Variants in CPAMD8 observed in about 807,000 individuals in gnomAD.
CPAMD8 encodes C3 and PZP-like alpha-2-macroglobulin domain-containing protein 8.
CPAMD8 carries 146 observed loss-of-function variants against 224.7 expected under a neutral mutation model. The observed-to-expected ratio is 0.65, with a 90% confidence interval of 0.57 to 0.75. CPAMD8 has a LOEUF of 0.75. Among genes scored for constraint, CPAMD8 ranks in the 30% least tolerant of loss-of-function variants. The pLI is 0.00. For missense variants in CPAMD8, 2,301 were observed against 2,537.5 expected (o/e 0.91, Z 2.00); for synonymous variants, 966 against 1,044.6 (o/e 0.92, Z 1.45).
At position 17,022,171 on chromosome 19, in the gene CPAMD8, T is replaced by C; in HGVS notation, c.103A>G (p.Ile35Val). 2 of 1,610,060 alleles carry C rather than the reference T, an allele frequency of 1.2e-6. No individual in the cohort carries two copies. Among genetic ancestry groups the C allele is most frequent in the Non-Finnish European group, 1.7e-6 (2 of 1,178,000 alleles). Residue 35 changes from isoleucine to valine, a missense_variant, in exon 2 of 42, where the codon ATT becomes GTT. This residue lies in a region of CPAMD8 where 283 missense variants were observed against 340.6 expected (regional missense o/e 0.83). Coordinates refer to ENST00000443236, the MANE Select transcript of CPAMD8 (RefSeq NM_015692.5). Reference protein sequence around the residue: ...AAQPQAPGYLIAAPSVFRAGV... With the variant: ...AAQPQAPGYLVAAPSVFRAGV... ...GCGCGAAAAACAGAGGGAGCTGCAA[T>C]CAAGTAACCCCTGCAGGAAAGGAGA...
intron 27 of CPAMD8, among the ~76,000 whole-genome samples, chr19:16,915,554 C>T (rs2052918758): frequency 2.0e-5 from 3 of 152,212 alleles, no homozygotes; most frequent in Non-Finnish European, 4.4e-5. Context: ...TGGCCTGTCC[C>T]TCATCCACCC....
At chr19:17,006,030 T>A (rs1256396262) in intron 7 of CPAMD8, among the ~76,000 whole-genome samples, 1 of 152,036 alleles carries the variant, frequency 6.6e-6, no homozygotes, top group Non-Finnish European at 1.5e-5. Flanking sequence ...AGTGGCATGA[T>A]CTCAGCTCAT....
At chr19:17,009,169 G>A (rs1414971171) in intron 6 of CPAMD8, 134 bp downstream of exon 6, 6 of 1,465,660 alleles carry the variant, frequency 4.1e-6, no homozygotes, top group Non-Finnish European at 5.7e-6. Flanking sequence ...GGATAGAAGA[G>A]GCCAGGTCCC....
intron 15 of CPAMD8, among the ~76,000 whole-genome samples, chr19:16,976,979 T>G (rs7248147): frequency 6.7e-6 from 1 of 150,024 alleles, no homozygotes; most frequent in Non-Finnish European, 1.5e-5. Flanking sequence ...GAGGCAGAGG[T>G]TGCAGTGAGC....
chr19:16,945,475 T>A (rs1287297833), intron 22 of CPAMD8, 74 bp downstream of exon 22: 5 of 1,562,614 alleles, frequency 3.2e-6, no homozygotes, highest in Non-Finnish European at 4.4e-6. Context: ...GACCACACAC[T>A]CCAGCTGGGC....
intron 22 of CPAMD8, among the ~76,000 whole-genome samples, chr19:16,944,801 G>GA: frequency 6.6e-6 from 1 of 152,312 alleles, no homozygotes; most frequent in South Asian, 2.1e-4. Context: ...CTTGTGTTCA[G>GA]GGCCAGCAGG....
At chr19:16,977,607 A>G (rs2055329190) in intron 14 of CPAMD8, 67 bp from the exon 15 acceptor site, 8 of 1,290,020 alleles carry the variant, frequency 6.2e-6, no homozygotes, top group Non-Finnish European at 8.5e-6. Context: ...TCAGCCATTC[A>G]GGCTCTGCCC....
chr19:16,918,858 A>G (rs111388894), intron 27 of CPAMD8, among the ~76,000 whole-genome samples: 1,582 of 151,892 alleles, frequency 0.01, 27 homozygotes, highest in African/African-American at 0.036. Flanking sequence ...AAATGCAAAA[A>G]ATCTGAAATG....
intron 24 of CPAMD8, among the ~76,000 whole-genome samples, 181 bp downstream of exon 24, chr19:16,928,761 T>C (rs1157891406): frequency 6.6e-6 from 1 of 150,450 alleles, no homozygotes; most frequent in Non-Finnish European, 1.5e-5. Flanking sequence ...CCACAGCTCT[T>C]GCTACATGTT....
intron 22 of CPAMD8, among the ~76,000 whole-genome samples, chr19:16,941,389 A>G (rs1299346906): frequency 2.0e-5 from 3 of 151,944 alleles, no homozygotes; most frequent in African/African-American, 7.3e-5. Flanking sequence ...CCGTGGATGA[A>G]CCCTGAACAC....
intron 11 of CPAMD8, among the ~76,000 whole-genome samples, chr19:16,994,667 A>G (rs1393661289): frequency 7.5e-6 from 1 of 134,154 alleles, no homozygotes; most frequent in African/African-American, 2.9e-5. Flanking sequence ...ACAGGTGTAC[A>G]ATACCATGCC....
At position 16,898,144 on chromosome 19, in the gene CPAMD8, CT is replaced by C. The variant is rs35096930; in HGVS notation, c.4849-151del. 0.057 allele frequency: 29,421 copies of C among 512,954 alleles called. 1 individual carries two copies. The highest frequency in any genetic ancestry group is 0.1 in the East Asian group (2,999 of 28,916). 31.8% of individuals were successfully genotyped at this position (512,954 alleles called of 1,614,324 possible). On this transcript the variant is annotated intron_variant, in intron 37 of 41. Transcript: ENST00000443236. The surrounding 1 kb of genome is among the most constrained non-coding windows in gnomAD (Gnocchi z 4.2). The stretch of plus-strand genomic sequence containing the variant: ...CATTTTCTTTTTTTCTTTTACTTTT[CT>C]TTTTTTTTTTTTTTCCTGAGACAGA...
intron 3 of CPAMD8, among the ~76,000 whole-genome samples, chr19:17,014,711 GA>G (rs2056765804): frequency 1.3e-5 from 2 of 152,140 alleles, no homozygotes; most frequent in South Asian, 2.1e-4. Flanking sequence ...CAGTATGGGG[GA>G]AACCACCCCA....
chr19:16,936,553 C>T (rs1041093994), intron 23 of CPAMD8, among the ~76,000 whole-genome samples: 3 of 152,114 alleles, frequency 2.0e-5, no homozygotes, highest in Non-Finnish European at 4.4e-5. Context: ...CAGGCACCTG[C>T]CACCATGCCT....
At chr19:16,926,842 C>T (rs1256852793) in intron 25 of CPAMD8, among the ~76,000 whole-genome samples, 1 of 152,174 alleles carries the variant, frequency 6.6e-6, no homozygotes, top group Non-Finnish European at 1.5e-5. Context: ...ATCTTAGTCA[C>T]TCAGCCCCAC....
At chr19:16,895,927 A>ACACACG (rs146763898) in intron 41 of CPAMD8, 196 of 581,624 alleles carry the variant, frequency 3.4e-4, no homozygotes, top group African/African-American at 2.2e-3. Context: ...ACACACACAC[A>ACACACG]CGCGCGCGTG....
rs1162229040 is a variant in CPAMD8 at position 16,897,743 on chromosome 19, C to G, written c.5013G>C (p.Leu1671=). 8 of 1,577,730 alleles carry G rather than the reference C, an allele frequency of 5.1e-6. No homozygotes were observed. The highest frequency in any genetic ancestry group is 6.9e-6 in the Non-Finnish European group (8 of 1,164,748). The change falls in exon 39 of 42, where the codon CTG becomes CTC. Residue 1671 remains leucine (L), a synonymous_variant. Transcript: ENST00000443236. ...VSTHSPLARE[L]CAGPACNEVE... ...CTTCGTTGCACGCGGGTCCGGCGCA[C>G]AGTTCCCGGGCGAGTGGGCTGTGGG...
chr19:17,007,889 C>A lies in CPAMD8; in HGVS notation c.559+616G>T, dbSNP rs369894565. On this transcript the variant is annotated intron_variant, in intron 7 of 41. Transcript: ENST00000443236. ...TAGCAGGAAGAAGCTGGGAGCAGGC[C>A]GGGCGTGGTGGCTCACGCCTGTAAT... 7.1e-4 allele frequency among the ~76,000 whole-genome samples: 108 copies of A among 152,348 alleles called. 2 individuals carry two copies. The highest frequency in any genetic ancestry group is 2.5e-3 in the African/African-American group (105 of 41,588).
chr19:16,904,411 C>G, intron 31 of CPAMD8, 49 bp from the exon 32 acceptor site: 1 of 1,614,068 alleles, frequency 6.2e-7, no homozygotes, highest in Non-Finnish European at 8.5e-7. Flanking sequence ...GGACATGGAC[C>G]CAGTGCATGG....
Sources: gnomAD v4.1 joint callset for allele counts (sites outside exome capture counted in the v4.1 genomes callset) on GRCh38, gnomAD v4.1.1 for gene constraint, gnomAD v4.1.1 regional missense constraint, Gnocchi (gnomAD v3.1) non-coding constraint, MANE v1.5 for transcripts, NCBI Gene and HGNC (gene_info 2026-07-23, HGNC 2026-07-21) for gene names.